The following GRID1 variants were observed in gnomAD, a reference collection of about 807,000 sequenced individuals.
The protein encoded by GRID1 is glutamate ionotropic receptor delta type subunit 1.
Under a neutral mutation model 98.0 loss-of-function variants are expected in GRID1, and 28 were observed. The ratio of observed to expected loss-of-function variants is 0.29; its 90% CI spans 0.21 to 0.39. The LOEUF (loss-of-function observed/expected upper bound fraction) is 0.39. Ranked by LOEUF, GRID1 falls within the 10% of genes least tolerant of loss-of-function variation. The pLI, the probability that GRID1 is intolerant of heterozygous loss-of-function variation, is 1.00. For missense variants in GRID1, 1,111 were observed against 1,340.5 expected, an observed-to-expected ratio of 0.83 and a Z score of 2.67; for synonymous variants, 553 against 538.5, an observed-to-expected ratio of 1.03 and a Z score of -0.37.
chr10:85,623,891 TA>T lies in GRID1; in HGVS notation c.2194-3859del, dbSNP rs1842883116. On this transcript the variant is annotated intron_variant, in intron 13 of 15. Transcript: ENST00000327946. The stretch of plus-strand genomic sequence containing the variant: ...AAAGGACAGAGCATCAGCAGGAATC[TA>T]GCTTCCTTTCAACCTTGTGCTGTGG... Among the ~76,000 whole-genome samples the T allele has an allele frequency of 5.3e-5, 8 of 152,356 alleles. No homozygotes were observed. In the South Asian group the frequency reaches 1.7e-3, roughly 32 times the overall value.
chr10:85,989,744 C>A (rs759495614), intron 4 of GRID1, among the ~76,000 whole-genome samples: 1 of 152,110 alleles, frequency 6.6e-6, no homozygotes, highest in African/African-American at 2.4e-5. Context: ...GGCTGGAGAC[C>A]GCTGTTCTAC....
intron 3 of GRID1, among the ~76,000 whole-genome samples, chr10:86,201,121 G>A (rs188957717): frequency 1.3e-5 from 2 of 152,172 alleles, no homozygotes; most frequent in Non-Finnish European, 2.9e-5. Flanking sequence ...ATATGAGAAT[G>A]TTCCTATCAG....
At chr10:86,247,996 AC>A (rs201208110) in intron 2 of GRID1, among the ~76,000 whole-genome samples, 6,165 of 152,114 alleles carry the variant, frequency 0.041, 230 homozygotes, top group Admixed American at 0.11. Flanking sequence ...TCCCCCCACA[AC>A]CTCCACAGAG....
intron 3 of GRID1, among the ~76,000 whole-genome samples, chr10:86,155,955 G>A (rs1176686505): frequency 6.6e-6 from 1 of 152,178 alleles, no homozygotes; most frequent in African/African-American, 2.4e-5. Context: ...CTGATGGGGA[G>A]GACAAAGCCC....
chr10:85,785,084 G>C (rs914452709), intron 8 of GRID1, among the ~76,000 whole-genome samples: 2 of 152,166 alleles, frequency 1.3e-5, no homozygotes, highest in Admixed American at 6.5e-5. Context: ...ATTTGATCTG[G>C]GGCCTGGCCT....
At chr10:86,156,675 C>T (rs34360827) in intron 3 of GRID1, among the ~76,000 whole-genome samples, 16,219 of 152,204 alleles carry the variant, frequency 0.11, 1,232 homozygotes, top group African/African-American at 0.21. Context: ...AGCACAGAAG[C>T]AAGAAATGTG....
chr10:85,743,283 C>T (rs1841965456), intron 8 of GRID1, among the ~76,000 whole-genome samples: 1 of 152,076 alleles, frequency 6.6e-6, no homozygotes, highest in Non-Finnish European at 1.5e-5. Context: ...TGAGTGAATC[C>T]ATCTTAGACC....
At chr10:86,361,855 C>T (rs1182877851) in intron 2 of GRID1, among the ~76,000 whole-genome samples, 1 of 152,212 alleles carries the variant, frequency 6.6e-6, no homozygotes, top group Non-Finnish European at 1.5e-5. Context: ...ATGGAGATGA[C>T]CTCTTCAGAC....
At chr10:86,310,347 T>G (rs895903587) in intron 2 of GRID1, among the ~76,000 whole-genome samples, 1 of 152,058 alleles carries the variant, frequency 6.6e-6, no homozygotes, top group Admixed American at 6.5e-5. Context: ...AGAGCCACAC[T>G]GAGATTCTTT....
chr10:85,963,667 T>C (rs1419579444), intron 4 of GRID1, among the ~76,000 whole-genome samples: 1 of 152,228 alleles, frequency 6.6e-6, no homozygotes, highest in Non-Finnish European at 1.5e-5. Flanking sequence ...ACCATGATTC[T>C]CCTGGTCACA....
At chr10:85,932,073 T>G (rs1419209243) in intron 4 of GRID1, among the ~76,000 whole-genome samples, 1 of 152,224 alleles carries the variant, frequency 6.6e-6, no homozygotes, top group Admixed American at 6.5e-5. Context: ...CTGCCTAACC[T>G]GGGCTTTCTG....
intron 8 of GRID1, among the ~76,000 whole-genome samples, chr10:85,830,951 G>A (rs948902816): frequency 3.9e-5 from 6 of 151,994 alleles, no homozygotes; most frequent in Non-Finnish European, 7.4e-5. Flanking sequence ...CAGCAATTTC[G>A]TTATTGGGTA....
At chr10:85,637,413 T>C (rs1354445794) in intron 13 of GRID1, among the ~76,000 whole-genome samples, 1 of 152,142 alleles carries the variant, frequency 6.6e-6, no homozygotes, top group East Asian at 1.9e-4. Flanking sequence ...AGTCAAAGCA[T>C]GTGAAAAAGG....
At chr10:85,720,396 G>T (rs1214801097) in intron 12 of GRID1, among the ~76,000 whole-genome samples, 2 of 151,914 alleles carry the variant, frequency 1.3e-5, no homozygotes, top group Non-Finnish European at 2.9e-5. Context: ...GATTAAAATG[G>T]GAGGAATCAC....
chr10:85,725,684 G>T (rs965641934), intron 10 of GRID1, among the ~76,000 whole-genome samples: 4 of 152,268 alleles, frequency 2.6e-5, no homozygotes, highest in Non-Finnish European at 2.9e-5. Flanking sequence ...ATGACCAATA[G>T]TGACAACTGA....
intron 2 of GRID1, among the ~76,000 whole-genome samples, chr10:86,318,421 C>T (rs559549390): frequency 6.6e-5 from 10 of 152,338 alleles, no homozygotes; most frequent in Admixed American, 2.6e-4. Context: ...GTGGCTACTC[C>T]GAAGGTCCTG....
chr10:85,794,142 G>A (rs1346769972), intron 8 of GRID1, among the ~76,000 whole-genome samples: 3 of 152,118 alleles, frequency 2.0e-5, no homozygotes, highest in Non-Finnish European at 2.9e-5. Context: ...GTGTTTCAAT[G>A]GATTGTTTTT....
intron 8 of GRID1, among the ~76,000 whole-genome samples, chr10:85,777,759 G>A (rs1445947512): frequency 6.6e-6 from 1 of 152,178 alleles, no homozygotes; most frequent in African/African-American, 2.4e-5. Flanking sequence ...CGCAGTGAAA[G>A]TCCTACCTCC....
At chr10:85,755,627 C>T (rs112079172) in intron 8 of GRID1, among the ~76,000 whole-genome samples, 1,659 of 152,224 alleles carry the variant, frequency 0.011, 31 homozygotes, top group African/African-American at 0.038. Context: ...GGCGTGAGAG[C>T]GTGAGAAAAC....
Sources: allele counts gnomAD v4.1 joint callset (sites outside exome capture counted in the v4.1 genomes callset), GRCh38; gene constraint gnomAD v4.1.1; transcripts MANE v1.5; gene names NCBI Gene and HGNC (gene_info 2026-07-23, HGNC 2026-07-21).